Variants in BTBD9 observed in about 807,000 individuals in gnomAD.
BTBD9 encodes BTB/POZ domain-containing protein 9.
BTBD9 carries 49 observed loss-of-function variants against 64.3 expected under a neutral mutation model. That is an observed-to-expected ratio of 0.76 (90% CI 0.61 to 0.97). BTBD9 has a LOEUF of 0.97. BTBD9 is among the 50% of genes least tolerant of loss of function. The probability of loss-of-function intolerance (pLI) is 0.00; values close to 1 mark genes in which losing one functional copy is unlikely to be tolerated. For synonymous variants in BTBD9, 260 were observed against 274.7 expected (o/e 0.95, Z 0.53); for missense variants, 598 against 762.1 (o/e 0.78, Z 2.53).
intron 7 of BTBD9, among the ~76,000 whole-genome samples, chr6:38,291,509 T>C (rs1176178515): frequency 1.3e-5 from 2 of 152,202 alleles, no homozygotes; most frequent in African/African-American, 4.8e-5. Context: ...CTGATTGCCC[T>C]GGCCAGAACT....
At chr6:38,412,421 A>G (rs1172980525) in intron 6 of BTBD9, among the ~76,000 whole-genome samples, 2 of 152,072 alleles carry the variant, frequency 1.3e-5, no homozygotes, top group Admixed American at 6.6e-5. Flanking sequence ...TGAAAAACAT[A>G]CTCTGTTGTT....
intron 1 of BTBD9, among the ~76,000 whole-genome samples, chr6:38,598,894 G>A (rs1777153616): frequency 6.6e-6 from 1 of 152,064 alleles, no homozygotes; most frequent in Non-Finnish European, 1.5e-5. Flanking sequence ...TCCAGCCTGG[G>A]CCACAAGAGC....
chr6:38,395,074 C>T (rs1008603459), intron 6 of BTBD9, among the ~76,000 whole-genome samples: 2 of 151,984 alleles, frequency 1.3e-5, no homozygotes, highest in Non-Finnish European at 2.9e-5. Flanking sequence ...GAGGTGGGGG[C>T]TTTGGGGAGG....
intron 9 of BTBD9, among the ~76,000 whole-genome samples, chr6:38,254,064 C>T (rs530361783): frequency 1.7e-4 from 26 of 149,628 alleles, no homozygotes; most frequent in African/African-American, 6.4e-4. Flanking sequence ...TGTATGCTAC[C>T]CCTAGAGCAA....
At chr6:38,239,763 T>C (rs1346868011) in intron 9 of BTBD9, among the ~76,000 whole-genome samples, 2 of 152,328 alleles carry the variant, frequency 1.3e-5, no homozygotes, top group Admixed American at 6.5e-5. Context: ...TTCATCATAT[T>C]GGTGGAGGGA....
At chr6:38,632,595 TG>T (rs1778399937) in intron 1 of BTBD9, among the ~76,000 whole-genome samples, 1 of 152,120 alleles carries the variant, frequency 6.6e-6, no homozygotes, top group African/African-American at 2.4e-5. Flanking sequence ...GAACTGTACT[TG>T]AAAAAGTACA....
intron 10 of BTBD9, among the ~76,000 whole-genome samples, chr6:38,176,949 C>A (rs1186091191): frequency 6.6e-6 from 1 of 152,158 alleles, no homozygotes; most frequent in African/African-American, 2.4e-5. Flanking sequence ...CCTCAACACC[C>A]CCCCCACTAA....
intron 6 of BTBD9, 58 bp downstream of exon 6, chr6:38,577,542 C>T (rs1307960216): frequency 2.6e-6 from 4 of 1,519,952 alleles, no homozygotes; most frequent in Admixed American, 2.1e-5. Flanking sequence ...TCTGCTTCTC[C>T]AAGTCCAAAT....
intron 1 of BTBD9, among the ~76,000 whole-genome samples, chr6:38,636,597 T>C (rs2127537299): frequency 6.6e-6 from 1 of 152,332 alleles, no homozygotes; most frequent in Middle Eastern, 3.4e-3. Flanking sequence ...TCTAAAAATG[T>C]CTCCAAAATC....
chr6:38,292,346 G>A (rs1761995585), intron 7 of BTBD9, among the ~76,000 whole-genome samples: 1 of 152,162 alleles, frequency 6.6e-6, no homozygotes, highest in Non-Finnish European at 1.5e-5. Flanking sequence ...GAGTTACAGA[G>A]GAGTCCTTCT....
chr6:38,298,691 C>T (rs1482052824), intron 7 of BTBD9, among the ~76,000 whole-genome samples: 2 of 152,116 alleles, frequency 1.3e-5, no homozygotes, highest in African/African-American at 4.8e-5. Flanking sequence ...CCTTCCCAGC[C>T]TCTGATGCCT....
intron 6 of BTBD9, among the ~76,000 whole-genome samples, chr6:38,358,901 AGCT>A (rs1764841515): frequency 6.6e-6 from 1 of 151,552 alleles, no homozygotes; most frequent in Non-Finnish European, 1.5e-5. Flanking sequence ...CCTCCCGAGT[AGCT>A]GGGACTACAG....
intron 6 of BTBD9, among the ~76,000 whole-genome samples, chr6:38,347,765 G>C (rs1331104577): frequency 6.6e-6 from 1 of 152,174 alleles, no homozygotes; most frequent in African/African-American, 2.4e-5. Context: ...GGGAGGCCTG[G>C]GTGGGTGGAT....
At chr6:38,200,072 T>A (rs749478958) in intron 9 of BTBD9, among the ~76,000 whole-genome samples, 12 of 152,216 alleles carry the variant, frequency 7.9e-5, no homozygotes, top group Non-Finnish European at 1.6e-4. Flanking sequence ...AGGGCTTAGA[T>A]GTGCACAGGC....
chr6:38,306,098 A>G (rs2127567570), intron 7 of BTBD9, among the ~76,000 whole-genome samples: 1 of 152,336 alleles, frequency 6.6e-6, no homozygotes, highest in South Asian at 2.1e-4. Flanking sequence ...AAGGTTCCAC[A>G]CTGTTTTTCT....
chr6:38,179,470 G>C (rs879895326), intron 10 of BTBD9: 5 of 456,636 alleles, frequency 1.1e-5, no homozygotes, highest in Non-Finnish European at 2.2e-5. Context: ...CAGGTCCCAG[G>C]GCTCCAGTTA....
At chr6:38,291,175 A>C (rs930602747) in intron 7 of BTBD9, among the ~76,000 whole-genome samples, 47 of 152,288 alleles carry the variant, frequency 3.1e-4, no homozygotes, top group African/African-American at 1.1e-3. Flanking sequence ...AGTGGTTGTA[A>C]AACTTTATAC....
intron 6 of BTBD9, among the ~76,000 whole-genome samples, chr6:38,470,137 A>G (rs1187295933): frequency 6.6e-6 from 1 of 152,208 alleles, no homozygotes; most frequent in Non-Finnish European, 1.5e-5. Context: ...AAAGACATAA[A>G]TATGTTTTGT....
At chr6:38,341,201 T>C (rs2127587806) in intron 7 of BTBD9, among the ~76,000 whole-genome samples, 1 of 152,294 alleles carries the variant, frequency 6.6e-6, no homozygotes, top group Admixed American at 6.5e-5. Flanking sequence ...TAAAAACACA[T>C]TCTCACTCCA....
Sources: gnomAD v4.1 joint callset for allele counts (sites outside exome capture counted in the v4.1 genomes callset) on GRCh38, gnomAD v4.1.1 for gene constraint, MANE v1.5 for transcripts, NCBI Gene and HGNC (gene_info 2026-07-23, HGNC 2026-07-21) for gene names.